Variants in EPAS1 observed in about 807,000 individuals in gnomAD.
EPAS1 encodes endothelial PAS domain protein 1, also known as endothelial PAS domain-containing protein 1.
EPAS1 carries 23 observed loss-of-function variants against 87.9 expected under a neutral mutation model. The ratio of observed to expected loss-of-function variants is 0.26; its 90% CI spans 0.19 to 0.37. The LOEUF (loss-of-function observed/expected upper bound fraction) is 0.37, where lower values mean the gene tolerates loss of function less well. Ranked by LOEUF, EPAS1 falls within the 10% of genes least tolerant of loss-of-function variation. The pLI is 1.00. For missense variants in EPAS1, 1,138 were observed against 1,120.7 expected (o/e 1.02, Z -0.22); for synonymous variants, 508 against 444.3 (o/e 1.14, Z -1.80).
At position 46,380,191 on chromosome 2, in the gene EPAS1, C is replaced by A. The variant is rs138633485; in HGVS notation, c.1555-36C>A. On this transcript the variant is annotated intron_variant, in intron 11 of 15. Coordinates refer to ENST00000263734, the MANE Select transcript of EPAS1 (RefSeq NM_001430.5). This position sits in a 1 kb window ranked among gnomAD's most constrained non-coding sequence, Gnocchi z 4.4. ...AATAGTGTTTGTGAGGTCGTACCAA[C>A]CCCCTTGCCTCTTTGCCGGTGCTGT... 1.2e-5 allele frequency: 20 copies of A among 1,603,102 alleles called. No individual in the cohort carries two copies. In the African/African-American group the frequency reaches 1.9e-4, roughly 15 times the overall value.
At chr2:46,328,415 G>C (rs962061874) in intron 1 of EPAS1, among the ~76,000 whole-genome samples, 1 of 152,198 alleles carries the variant, frequency 6.6e-6, no homozygotes, top group Non-Finnish European at 1.5e-5. Flanking sequence ...TTCTAAGGGA[G>C]GAAATGAGAT....
intron 1 of EPAS1, among the ~76,000 whole-genome samples, chr2:46,344,747 G>A (rs1683986385): frequency 6.6e-6 from 1 of 152,218 alleles, no homozygotes; most frequent in Non-Finnish European, 1.5e-5. Context: ...GATAAAGGAA[G>A]CAGAGAAGGG....
In EPAS1 at chr2:46,347,356, T is replaced by G. The variant is rs1684052899; in HGVS notation, c.217+293T>G. ...TGGGAGAACCAAGGACGGCTTTTGCTGACTTCTCAATTTGTTGCCATCTGG... is the reference window on the plus strand; with the variant it reads ...TGGGAGAACCAAGGACGGCTTTTGCGGACTTCTCAATTTGTTGCCATCTGG... On this transcript the variant is annotated intron_variant, in intron 2 of 15. Coordinates refer to ENST00000263734, the MANE Select transcript of EPAS1 (RefSeq NM_001430.5). The surrounding 1 kb of genome is among the most constrained non-coding windows in gnomAD (Gnocchi z 4.2). The G allele has an allele frequency of 4.1e-6, 2 of 489,056 alleles. No homozygotes were observed. Among genetic ancestry groups the G allele is most frequent in the Middle Eastern group, 5.7e-4 (1 of 1,744 alleles). The allele number at this position is 489,056 out of a possible 1,614,324, so 30.3% of individuals were successfully genotyped here.
rs189951412 is a variant in EPAS1, at chr2:46,360,420, G to A, written c.455-218G>A. Reference sequence around the variant, plus strand: ...ATGGAGCAGCTCCTCCCTTGTGGGAGTTTATGCTCCAGTTGAGGAGATAAG... The same window carrying A: ...ATGGAGCAGCTCCTCCCTTGTGGGAATTTATGCTCCAGTTGAGGAGATAAG... On this transcript the variant is annotated intron_variant, in intron 4 of 15. Coordinates refer to ENST00000263734, the MANE Select transcript of EPAS1 (RefSeq NM_001430.5). The surrounding 1 kb of genome is among the most constrained non-coding windows in gnomAD (Gnocchi z 4.5). 3.4e-4 allele frequency among the ~76,000 whole-genome samples: 52 copies of A among 152,370 alleles called. No individual in the cohort carries two copies. The highest frequency in any genetic ancestry group is 1.1e-3 in the African/African-American group (47 of 41,582).
chr2:46,347,202 T>A lies in EPAS1; in HGVS notation c.217+139T>A. The A allele has an allele frequency of 1.1e-6, 1 of 889,126 alleles. No homozygotes were observed. 55.1% of individuals were successfully genotyped at this position (889,126 alleles called of 1,614,324 possible). A position where few individuals can be genotyped will look rare whatever the true frequency, so the allele number is the denominator to read the frequency against. On this transcript the variant is annotated intron_variant, in intron 2 of 15. Transcript: ENST00000263734. This position sits in a 1 kb window ranked among gnomAD's most constrained non-coding sequence, Gnocchi z 4.2. ...TCACCCACAGAAACACCATCATGAG[T>A]GATTTATTCCTTCATGTTAAACATC... is the stretch of plus-strand genomic sequence containing the variant.
In EPAS1 at chr2:46,300,975, T is replaced by C. The variant is rs903857591; in HGVS notation, c.26+3038T>C. ...TGGACAGTTTCTCTCAATTTAAACA[T>C]ATATTTTAAATAAATATTCCCTCCA... On this transcript the variant is annotated intron_variant, in intron 1 of 15. Transcript: ENST00000263734. This position sits in a 1 kb window ranked among gnomAD's most constrained non-coding sequence, Gnocchi z 4.1. Among the ~76,000 whole-genome samples the C allele has an allele frequency of 6.6e-6, 1 of 152,220 alleles. No individual in the cohort carries two copies. Among genetic ancestry groups the C allele is most frequent in the East Asian group, 1.9e-4 (1 of 5,204 alleles).
intron 1 of EPAS1, among the ~76,000 whole-genome samples, chr2:46,328,988 G>A (rs1366756760): frequency 3.3e-5 from 5 of 152,118 alleles, no homozygotes; most frequent in Non-Finnish European, 5.9e-5. Flanking sequence ...TCCTCAAAAT[G>A]TATGAAGTAA....
chr2:46,356,127 T>TGGGGGGGGGGGGGGCGGGGGGGGGGGG, intron 2 of EPAS1, 24 bp from the exon 3 acceptor site: 1 of 1,395,474 alleles, frequency 7.2e-7, no homozygotes, highest in Non-Finnish European at 9.9e-7. Context: ...TCATGCAAGC[T>TGGGGGGGGGGGGGGCGGGGGGGGGGGG]GTCCCACCCC....
rs190619488 is a variant in EPAS1 at position 46,360,579 on chromosome 2, C to G, written c.455-59C>G. ...CAAGAAAAACTGCAGCTGGGCCCCT[C>G]TCATGAATATCCATATAAAACTGAC... On this transcript the variant is annotated intron_variant, in intron 4 of 15. Coordinates refer to ENST00000263734, the MANE Select transcript of EPAS1 (RefSeq NM_001430.5). This position sits in a 1 kb window ranked among gnomAD's most constrained non-coding sequence, Gnocchi z 4.5. 1 of 1,462,602 alleles carries G rather than the reference C, an allele frequency of 6.8e-7. No homozygotes were observed. The highest frequency in any genetic ancestry group is 2.3e-5 in the East Asian group (1 of 44,172). The allele number at this position is 1,462,602 out of a possible 1,614,324, so 90.6% of individuals were successfully genotyped here.
At position 46,382,546 on chromosome 2, in the gene EPAS1, C is replaced by G; in HGVS notation, c.2409C>G (p.Cys803Trp). ...ENSKSRFPPQ[C>W]YATQYQDYSL... ...GCAAGAGCAGGTTCCCCCCACAGTG[C>G]TACGCCACCCAGTACCAGGACTACA... is the stretch of plus-strand genomic sequence containing the variant. Residue 803 changes from cysteine (C) to tryptophan (W), a missense_variant, in exon 15 of 16, where the codon TGC (cysteine) becomes TGG (tryptophan). This residue lies in a region of EPAS1 where 502 missense variants were observed against 427.1 expected (regional missense o/e 1.18). Transcript: ENST00000263734. The G allele has an allele frequency of 1.9e-6, 3 of 1,614,174 alleles. No homozygotes were observed. Among genetic ancestry groups the G allele is most frequent in the Non-Finnish European group, 2.5e-6 (3 of 1,180,048 alleles).
At chr2:46,384,103 A>G (rs560858836) in intron 15 of EPAS1, among the ~76,000 whole-genome samples, 44 of 152,354 alleles carry the variant, frequency 2.9e-4, no homozygotes, top group African/African-American at 9.9e-4. Flanking sequence ...CTGGATTTTC[A>G]GACTGTTGAA....
intron 4 of EPAS1, 57 bp downstream of exon 4, chr2:46,356,865 C>A: frequency 2.4e-6 from 3 of 1,263,454 alleles, no homozygotes; most frequent in South Asian, 1.2e-5. Context: ...ATCTGCCTCC[C>A]CTTTGTCTAC....
chr2:46,374,074 T>G (rs1298431794), intron 7 of EPAS1, among the ~76,000 whole-genome samples: 1 of 152,248 alleles, frequency 6.6e-6, no homozygotes, highest in African/African-American at 2.4e-5. Context: ...TTCTGAACAC[T>G]GCAAAGCACT....
rs554744187 is a variant in EPAS1, at chr2:46,381,012, A to G, written c.2045+295A>G. Reference sequence around the variant, plus strand: ...CAGAGTGCCTTTCGTATCTCGGTTCATCATCTGAGCCACACAGAAAATTGA... The same window carrying G: ...CAGAGTGCCTTTCGTATCTCGGTTCGTCATCTGAGCCACACAGAAAATTGA... On this transcript the variant is annotated intron_variant, in intron 12 of 15. Transcript: ENST00000263734. 1.3e-4 allele frequency among the ~76,000 whole-genome samples: 20 copies of G among 152,280 alleles called. No individual in the cohort carries two copies. In the South Asian group the frequency reaches 4.2e-3, roughly 32 times the overall value.
intron 7 of EPAS1, among the ~76,000 whole-genome samples, chr2:46,370,688 A>G (rs10178633): frequency 0.43 from 65,102 of 152,132 alleles, 14,743 homozygotes; most frequent in Non-Finnish European, 0.52. Context: ...ACTTTATACA[A>G]TGTAGTTTTA....
chr2:46,380,861 G>T lies in EPAS1; in HGVS notation c.2045+144G>T. On this transcript the variant is annotated intron_variant, in intron 12 of 15. Coordinates refer to ENST00000263734, the MANE Select transcript of EPAS1 (RefSeq NM_001430.5). This position sits in a 1 kb window ranked among gnomAD's most constrained non-coding sequence, Gnocchi z 4.4. The stretch of plus-strand genomic sequence containing the variant: ...AGCCCTTCTCTGAGCTCAGACTTTG[G>T]GGAATCACCTCAAGCCATGTGAGGC... 1 of 1,423,702 alleles carries T rather than the reference G, an allele frequency of 7.0e-7. No individual in the cohort carries two copies. 88.2% of individuals were successfully genotyped at this position (1,423,702 alleles called of 1,614,324 possible).
At chr2:46,343,685 C>A in intron 1 of EPAS1, among the ~76,000 whole-genome samples, 1 of 152,230 alleles carries the variant, frequency 6.6e-6, no homozygotes, top group East Asian at 1.9e-4. Context: ...GACTTTTGAA[C>A]CAAGAGGCTG....
chr2:46,380,768 C>T lies in EPAS1; in HGVS notation c.2045+51C>T. On this transcript the variant is annotated intron_variant, in intron 12 of 15. Transcript: ENST00000263734. The surrounding 1 kb of genome is among the most constrained non-coding windows in gnomAD (Gnocchi z 4.4). ...CAGCAGGGCCGAACCGAGAGGCACCCACTAGTAAGATAGCTGGACCCCCAG... is the reference window on the plus strand; with the variant it reads ...CAGCAGGGCCGAACCGAGAGGCACCTACTAGTAAGATAGCTGGACCCCCAG... 1.2e-6 allele frequency: 2 copies of T among 1,600,270 alleles called. No individual in the cohort carries two copies. The highest frequency in any genetic ancestry group is 1.7e-6 in the Non-Finnish European group (2 of 1,179,910).
chr2:46,369,207 C>T (rs1163021039), intron 6 of EPAS1, among the ~76,000 whole-genome samples: 5 of 152,076 alleles, frequency 3.3e-5, no homozygotes, highest in Non-Finnish European at 4.4e-5. Context: ...AGAAAGTGTC[C>T]GAGGGCACCT....
Sources: allele counts gnomAD v4.1 joint callset (sites outside exome capture counted in the v4.1 genomes callset), GRCh38; gene constraint gnomAD v4.1.1; regional missense constraint gnomAD v4.1.1; non-coding constraint Gnocchi (gnomAD v3.1); transcripts MANE v1.5; gene names NCBI Gene and HGNC (gene_info 2026-07-23, HGNC 2026-07-21).